Variants in CHRNA7 observed in about 807,000 individuals in gnomAD.
CHRNA7 encodes the protein cholinergic receptor nicotinic alpha 7 subunit.
A neutral mutation model predicts 48.0 loss-of-function variants in CHRNA7; 17 were observed. The observed-to-expected ratio is 0.35, with a 90% CI of 0.24 to 0.53. The LOEUF (loss-of-function observed/expected upper bound fraction) is 0.53. CHRNA7 is among the 20% of genes least tolerant of loss of function. CHRNA7 has a pLI of 0.92. For synonymous variants in CHRNA7, 75 were observed against 242.3 expected (o/e 0.31, Z 6.41); for missense variants, 155 against 577.7 (o/e 0.27, Z 7.50).
intron 3 of CHRNA7, among the ~76,000 whole-genome samples, chr15:32,106,429 T>C (rs1303485953): frequency 6.6e-6 from 1 of 152,234 alleles, no homozygotes; most frequent in East Asian, 1.9e-4. Flanking sequence ...GTTGGTTTTG[T>C]TATTCTTTCT....
At chr15:32,088,449 G>A (rs1447166544) in intron 2 of CHRNA7, among the ~76,000 whole-genome samples, 1 of 152,146 alleles carries the variant, frequency 6.6e-6, no homozygotes, top group Non-Finnish European at 1.5e-5. Flanking sequence ...TAAATATCTA[G>A]GAATATAGTT....
intron 2 of CHRNA7, among the ~76,000 whole-genome samples, chr15:32,068,459 C>G (rs1001938365): frequency 1.3e-5 from 2 of 152,084 alleles, no homozygotes; most frequent in African/African-American, 4.8e-5. Flanking sequence ...GATTCAAAGG[C>G]ACAAATAGGT....
Position 32,139,653 on chromosome 15 carries a change from A to G in CHRNA7, c.351-14254A>G, listed in dbSNP as rs1029697923. On this transcript the variant is annotated intron_variant, in intron 4 of 9. Transcript: ENST00000306901. Reference sequence around the variant, plus strand: ...TTCTATGTGCTTCTTTGCCATCTCTATATTGTCTTTGCTCAGGTGTCTGTT... The same window carrying G: ...TTCTATGTGCTTCTTTGCCATCTCTGTATTGTCTTTGCTCAGGTGTCTGTT... Among the ~76,000 whole-genome samples, 60 of 150,024 alleles carry G rather than the reference A, an allele frequency of 4.0e-4. 1 individual carries two copies. Among genetic ancestry groups the G allele is most frequent in the African/African-American group, 1.4e-3 (55 of 40,564 alleles).
At chr15:32,098,127 C>G (rs554686023) in intron 2 of CHRNA7, among the ~76,000 whole-genome samples, 12 of 152,212 alleles carry the variant, frequency 7.9e-5, no homozygotes, top group Non-Finnish European at 1.3e-4. Context: ...CCCAGTTCAC[C>G]TGCAGCCTGT....
intron 4 of CHRNA7, among the ~76,000 whole-genome samples, chr15:32,152,064 A>G (rs1051210487): frequency 1.3e-5 from 2 of 152,156 alleles, no homozygotes; most frequent in African/African-American, 2.4e-5. Flanking sequence ...AAGGGTACCC[A>G]GGGTTGGTTT....
At chr15:32,093,301 C>A (rs1435881639) in intron 2 of CHRNA7, among the ~76,000 whole-genome samples, 2 of 152,176 alleles carry the variant, frequency 1.3e-5, no homozygotes, top group Non-Finnish European at 2.9e-5. Context: ...GCTTCATTCC[C>A]CAAGAGGTAG....
At chr15:32,081,128 A>G (rs1468079123) in intron 2 of CHRNA7, among the ~76,000 whole-genome samples, 5 of 152,132 alleles carry the variant, frequency 3.3e-5, no homozygotes, top group Non-Finnish European at 5.9e-5. Context: ...AACACACACC[A>G]GGGCCTGTCG....
chr15:32,044,995 ATT>A, intron 2 of CHRNA7, among the ~76,000 whole-genome samples: 1 of 152,148 alleles, frequency 6.6e-6, no homozygotes, highest in East Asian at 1.9e-4. Context: ...CAGTCCTTGA[ATT>A]CTCTCATTGT....
At chr15:32,070,625 A>AT (rs1243139503) in intron 2 of CHRNA7, among the ~76,000 whole-genome samples, 22 of 90,630 alleles carry the variant, frequency 2.4e-4, no homozygotes, top group Non-Finnish European at 5.2e-4. Context: ...TCTGCAATCT[A>AT]TTTTGAGTTT....
intron 4 of CHRNA7, among the ~76,000 whole-genome samples, chr15:32,132,943 C>T (rs1009317590): frequency 1.3e-5 from 2 of 152,194 alleles, no homozygotes; most frequent in African/African-American, 4.8e-5. Context: ...GAAGGAAAAG[C>T]TCTTTAAAAA....
chr15:32,054,271 A>G (rs537502477), intron 2 of CHRNA7, among the ~76,000 whole-genome samples: 1 of 152,330 alleles, frequency 6.6e-6, no homozygotes, highest in African/African-American at 2.4e-5. Flanking sequence ...TTGCCAAAGT[A>G]TATTTCATTA....
chr15:32,143,228 G>A (rs1325262213), intron 4 of CHRNA7, among the ~76,000 whole-genome samples: 1 of 152,194 alleles, frequency 6.6e-6, no homozygotes, highest in African/African-American at 2.4e-5. Flanking sequence ...TAGTTGTGCA[G>A]TTTTGAGTGA....
At chr15:32,055,700 C>T (rs528776850) in intron 2 of CHRNA7, among the ~76,000 whole-genome samples, 2 of 152,264 alleles carry the variant, frequency 1.3e-5, no homozygotes, top group African/African-American at 4.8e-5. Flanking sequence ...TTGCAGTTGG[C>T]CAGGCGTGGT....
chr15:32,030,513 G>T, upstream of CHRNA7: 1 of 1,306,182 alleles, frequency 7.7e-7, no homozygotes, highest in Non-Finnish European at 9.7e-7. Flanking sequence ...GAGCGGCGAG[G>T]TGCCTCTGTG....
chr15:32,040,198 A>G (rs544728952), intron 2 of CHRNA7, among the ~76,000 whole-genome samples: 12 of 151,562 alleles, frequency 7.9e-5, no homozygotes, highest in Non-Finnish European at 1.3e-4. Context: ...TTTTTGTTCT[A>G]CTCTTACAGT....
chr15:32,051,029 G>A (rs1279666891), intron 2 of CHRNA7, among the ~76,000 whole-genome samples: 5 of 137,282 alleles, frequency 3.6e-5, no homozygotes, highest in East Asian at 3.1e-4. Context: ...AGGAGTACCC[G>A]GCCGTGTGAG....
At chr15:32,086,253 C>G (rs1289524132) in intron 2 of CHRNA7, among the ~76,000 whole-genome samples, 1 of 151,192 alleles carries the variant, frequency 6.6e-6, no homozygotes, top group Non-Finnish European at 1.5e-5. Context: ...CCTGTAGTCC[C>G]AGCTACTCGG....
intron 2 of CHRNA7, among the ~76,000 whole-genome samples, chr15:32,079,121 T>G (rs1482462339): frequency 6.6e-6 from 1 of 152,156 alleles, no homozygotes; most frequent in Non-Finnish European, 1.5e-5. Flanking sequence ...TTAAAAACTC[T>G]CAATAAACTA....
chr15:32,112,736 C>T (rs62003625), intron 4 of CHRNA7, among the ~76,000 whole-genome samples: 14,615 of 152,230 alleles, frequency 0.096, 767 homozygotes, highest in Middle Eastern at 0.13. Context: ...CCAAATTGCC[C>T]TCCATGGTCA....
Sources: gnomAD v4.1 joint callset for allele counts (sites outside exome capture counted in the v4.1 genomes callset) on GRCh38, gnomAD v4.1.1 for gene constraint, MANE v1.5 for transcripts, NCBI Gene and HGNC (gene_info 2026-07-23, HGNC 2026-07-21) for gene names.